LIMS1: variants seen among roughly 807,000 people sequenced by gnomAD.
The protein encoded by LIMS1 is LIM zinc finger domain containing 1.
Under a neutral mutation model 44.1 loss-of-function variants are expected in LIMS1, and 18 were observed. The ratio of observed to expected loss-of-function variants is 0.41; its 90% CI spans 0.28 to 0.61. The LOEUF (loss-of-function observed/expected upper bound fraction) is 0.61. Ranked by LOEUF, LIMS1 falls within the 20% of genes least tolerant of loss-of-function variation. The probability of loss-of-function intolerance (pLI) is 0.32; values close to 1 mark genes in which losing one functional copy is unlikely to be tolerated. For missense variants in LIMS1, 201 were observed against 422.0 expected (o/e 0.48, Z 4.59); for synonymous variants, 93 against 149.1 (o/e 0.62, Z 2.74).
chr2:108,568,719 G>A (rs1685381121), intron 1 of LIMS1, among the ~76,000 whole-genome samples: 1 of 152,186 alleles, frequency 6.6e-6, no homozygotes, highest in Admixed American at 6.5e-5. Context: ...TTTAATAGTA[G>A]CCATTGTAAT....
At position 108,636,118 on chromosome 2, in the gene LIMS1, A is replaced by G. The variant is rs551145206; in HGVS notation, c.33-23487A>G. ...TATAGGAATAGCCGCTGTAAGGAGC[A>G]GCCACGGACCCTAGAGCTGAGTTAG... On this transcript the variant is annotated intron_variant, in intron 1 of 9. Coordinates refer to ENST00000544547, the Ensembl canonical transcript of LIMS1. Among the ~76,000 whole-genome samples, 4 of 152,354 alleles carry G rather than the reference A, an allele frequency of 2.6e-5. No homozygotes were observed. The South Asian group carries it at 8.3e-4, about 32-fold the overall frequency.
chr2:108,630,545 A>G (rs2148893765), intron 1 of LIMS1, among the ~76,000 whole-genome samples: 1 of 152,344 alleles, frequency 6.6e-6, no homozygotes, highest in South Asian at 2.1e-4. Flanking sequence ...AAAGGTTTTA[A>G]ATTTTTTGAA....
chr2:108,556,877 G>A (rs1430462886), intron 1 of LIMS1, among the ~76,000 whole-genome samples: 2 of 152,186 alleles, frequency 1.3e-5, no homozygotes, highest in African/African-American at 4.8e-5. Flanking sequence ...CTGACCAATC[G>A]TTACCTACTC....
At chr2:108,682,026 C>T (rs1693037058) in intron 9 of LIMS1, among the ~76,000 whole-genome samples, 1 of 151,992 alleles carries the variant, frequency 6.6e-6, no homozygotes, top group African/African-American at 2.4e-5. Context: ...AATTCATTTC[C>T]TCAATGTCTT....
chr2:108,633,135 C>T (rs1266477400), intron 1 of LIMS1, among the ~76,000 whole-genome samples: 1 of 152,214 alleles, frequency 6.6e-6, no homozygotes, highest in Non-Finnish European at 1.5e-5. Context: ...TATTCCTGCT[C>T]TTCTGTCCCT....
intron 1 of LIMS1, chr2:108,588,566 G>C: frequency 6.1e-6 from 6 of 985,526 alleles, no homozygotes; most frequent in Non-Finnish European, 6.0e-6. Context: ...GCAAAGGAGT[G>C]GAAGTTTGAG....
intron 1 of LIMS1, among the ~76,000 whole-genome samples, chr2:108,543,408 C>T (rs1684380423): frequency 6.6e-6 from 1 of 152,204 alleles, no homozygotes; most frequent in South Asian, 2.1e-4. Context: ...CTAAACAAGT[C>T]AGTGCCCTTA....
At chr2:108,633,361 A>G (rs1236083859) in intron 1 of LIMS1, among the ~76,000 whole-genome samples, 1 of 152,210 alleles carries the variant, frequency 6.6e-6, no homozygotes, top group Non-Finnish European at 1.5e-5. Flanking sequence ...AAATAGGCTT[A>G]AATTATTGAC....
rs965868040 is a variant in LIMS1, at chr2:108,570,701, C to T, written c.32+36107C>T. 1.2e-4 allele frequency among the ~76,000 whole-genome samples: 18 copies of T among 152,154 alleles called. 1 individual carries two copies. The highest frequency in any genetic ancestry group is 3.6e-4 in the African/African-American group (15 of 41,510). On this transcript the variant is annotated intron_variant, in intron 1 of 9. Coordinates refer to ENST00000544547, the Ensembl canonical transcript of LIMS1. ...GAGGGAACGTGGCCATCCTGGGAGGCGGTGGAGAAGAGCGGGAGGAGTTAG... is the reference window on the plus strand; with the variant it reads ...GAGGGAACGTGGCCATCCTGGGAGGTGGTGGAGAAGAGCGGGAGGAGTTAG...
intron 3 of LIMS1, among the ~76,000 whole-genome samples, chr2:108,671,398 G>A (rs570749284): frequency 5.9e-5 from 9 of 152,100 alleles, no homozygotes; most frequent in Admixed American, 3.9e-4. Flanking sequence ...GACTCCTATC[G>A]GGTGGCGTTT....
intron 1 of LIMS1, among the ~76,000 whole-genome samples, chr2:108,537,091 A>G (rs192384843): frequency 7.0e-4 from 106 of 152,334 alleles, no homozygotes; most frequent in Non-Finnish European, 1.2e-3. Context: ...CAGGGACAGT[A>G]CCACGGCCCT....
At position 108,641,195 on chromosome 2, in the gene LIMS1, A is replaced by G. The variant is rs575505003; in HGVS notation, c.33-18410A>G. On this transcript the variant is annotated intron_variant, in intron 1 of 9. Coordinates refer to ENST00000544547, the Ensembl canonical transcript of LIMS1. ...TTTAAGACTTAAATGGGTGCCTGCT[A>G]GTTTTCTTCCAGAAATATTTCAACC... Among the ~76,000 whole-genome samples, 13 of 152,304 alleles carry G rather than the reference A, an allele frequency of 8.5e-5. No homozygotes were observed. In the South Asian group the frequency reaches 2.7e-3, roughly 32 times the overall value.
intron 1 of LIMS1, among the ~76,000 whole-genome samples, chr2:108,584,644 G>A (rs1017969001): frequency 1.3e-5 from 2 of 152,108 alleles, no homozygotes; most frequent in Non-Finnish European, 2.9e-5. Context: ...GGAGGAGTGC[G>A]GGATCCAGGC....
intron 1 of LIMS1, among the ~76,000 whole-genome samples, chr2:108,551,819 A>AC (rs1376347074): frequency 6.8e-6 from 1 of 146,620 alleles, no homozygotes; most frequent in Non-Finnish European, 1.5e-5. Flanking sequence ...TATGATATAC[A>AC]ATATACATAT....
chr2:108,588,527 A>G (rs993995163), intron 1 of LIMS1: 1 of 985,512 alleles, frequency 1.0e-6, no homozygotes, highest in African/African-American at 1.7e-5. Context: ...GGTTTGCAGA[A>G]CTGGGCCTGT....
intron 2 of LIMS1, among the ~76,000 whole-genome samples, chr2:108,663,522 C>T (rs907390997): frequency 6.6e-6 from 1 of 152,132 alleles, no homozygotes; most frequent in Admixed American, 6.5e-5. Context: ...GCGGAGCCAA[C>T]AGTTACAAGA....
At chr2:108,637,535 C>T (rs985149751) in intron 1 of LIMS1, among the ~76,000 whole-genome samples, 9 of 152,142 alleles carry the variant, frequency 5.9e-5, no homozygotes, top group Non-Finnish European at 1.0e-4. Context: ...CCACTACAGC[C>T]GTGTCAAGAG....
At chr2:108,646,015 A>T (rs546276731) in intron 1 of LIMS1, among the ~76,000 whole-genome samples, 1 of 152,300 alleles carries the variant, frequency 6.6e-6, no homozygotes, top group African/African-American at 2.4e-5. Flanking sequence ...TTAGAGACCT[A>T]CAAAGAGACT....
chr2:108,641,788 A>G (rs1689685498), intron 1 of LIMS1, among the ~76,000 whole-genome samples: 2 of 152,246 alleles, frequency 1.3e-5, no homozygotes, highest in African/African-American at 4.8e-5. Context: ...TGGCATATTA[A>G]TTACAAATCC....
Sources: allele counts gnomAD v4.1 joint callset (sites outside exome capture counted in the v4.1 genomes callset), GRCh38; gene constraint gnomAD v4.1.1; transcripts MANE v1.5; gene names NCBI Gene and HGNC (gene_info 2026-07-23, HGNC 2026-07-21).